PKHD1: variants seen among roughly 807,000 people sequenced by gnomAD.
PKHD1 encodes fibrocystin.
A neutral mutation model predicts 412.0 loss-of-function variants in PKHD1; 291 were observed. The ratio of observed to expected loss-of-function variants is 0.71; its 90% CI spans 0.64 to 0.78. The LOEUF is 0.78. Ranked by LOEUF, PKHD1 falls within the 30% of genes least tolerant of loss-of-function variation. The pLI, the probability that PKHD1 is intolerant of heterozygous loss-of-function variation, is 0.00. For synonymous variants in PKHD1, 1,777 were observed against 1,821.5 expected (o/e 0.98, Z 0.62); for missense variants, 4,825 against 4,950.7 (o/e 0.97, Z 0.76).
At chr6:51,755,749 T>G (rs1057467426) in intron 55 of PKHD1, among the ~76,000 whole-genome samples, 2 of 152,170 alleles carry the variant, frequency 1.3e-5, no homozygotes, top group Non-Finnish European at 2.9e-5. Flanking sequence ...AAGAGTCTCC[T>G]CTATAGTGAA....
intron 57 of PKHD1, among the ~76,000 whole-genome samples, chr6:51,750,969 G>A (rs1234449020): frequency 1.3e-5 from 2 of 151,974 alleles, no homozygotes; most frequent in Non-Finnish European, 2.9e-5. Flanking sequence ...TAGAGGCAGG[G>A]TTTCACCATG....
At chr6:51,911,625 G>A (rs1025928418) in intron 39 of PKHD1, among the ~76,000 whole-genome samples, 174 bp downstream of exon 39, 3 of 152,032 alleles carry the variant, frequency 2.0e-5, no homozygotes, top group East Asian at 1.9e-4. Context: ...GGGGCAGAGA[G>A]GAGGATGAAA....
chr6:52,024,082 T>TA (rs1347438252), intron 32 of PKHD1, among the ~76,000 whole-genome samples: 1 of 152,240 alleles, frequency 6.6e-6, no homozygotes, highest in Non-Finnish European at 1.5e-5. Flanking sequence ...TTGGTATATC[T>TA]AAACGGAGAA....
At chr6:51,887,278 AC>A (rs745481527) in intron 43 of PKHD1, 33 bp from the exon 44 acceptor site, 2 of 1,328,740 alleles carry the variant, frequency 1.5e-6, no homozygotes, top group South Asian at 2.3e-5. Flanking sequence ...AAAAATAGTT[AC>A]CCCATGTATG....
At chr6:51,769,473 A>C (rs60854584) in intron 55 of PKHD1, among the ~76,000 whole-genome samples, 27,925 of 151,304 alleles carry the variant, frequency 0.18, 3,381 homozygotes, top group African/African-American at 0.34. Flanking sequence ...ATAACTCTAA[A>C]CTATTCTGTA....
chr6:51,921,897 T>G (rs1166365393), intron 37 of PKHD1, among the ~76,000 whole-genome samples: 3 of 152,190 alleles, frequency 2.0e-5, no homozygotes, highest in Non-Finnish European at 4.4e-5. Flanking sequence ...TTGGAGAGGT[T>G]TGTTATTACC....
intron 60 of PKHD1, among the ~76,000 whole-genome samples, chr6:51,678,820 TTTTA>T (rs748393690): frequency 2.0e-5 from 3 of 152,218 alleles, no homozygotes; most frequent in East Asian, 1.9e-4. Context: ...TTAATGTTAA[TTTTA>T]TTTATTTATT....
At chr6:52,029,579 G>C (rs565956000) in intron 29 of PKHD1, among the ~76,000 whole-genome samples, 1 of 152,200 alleles carries the variant, frequency 6.6e-6, no homozygotes, top group Non-Finnish European at 1.5e-5. Flanking sequence ...AGTTGAATTG[G>C]AGCTTGAAAG....
intron 52 of PKHD1, among the ~76,000 whole-genome samples, chr6:51,819,194 C>G (rs1412950179): frequency 6.6e-6 from 1 of 152,112 alleles, no homozygotes; most frequent in African/African-American, 2.4e-5. Flanking sequence ...GTTACACGAT[C>G]AAACATGCTG....
intron 60 of PKHD1, among the ~76,000 whole-genome samples, chr6:51,710,078 C>T (rs1212142465): frequency 3.3e-5 from 5 of 152,074 alleles, no homozygotes; most frequent in Admixed American, 6.6e-5. Flanking sequence ...GGCATGGTGG[C>T]GGCTGCCTGT....
chr6:51,908,252 T>G (rs1782428301), intron 40 of PKHD1, among the ~76,000 whole-genome samples: 1 of 152,096 alleles, frequency 6.6e-6, no homozygotes. Context: ...TAATTTGAAA[T>G]GAAGGAAAAT....
intron 31 of PKHD1, among the ~76,000 whole-genome samples, chr6:52,027,298 G>A (rs189560890): frequency 2.0e-5 from 3 of 151,420 alleles, no homozygotes; most frequent in East Asian, 2.0e-4. Flanking sequence ...TTAGGAGGCC[G>A]AGGTGGGCAG....
intron 46 of PKHD1, among the ~76,000 whole-genome samples, chr6:51,872,407 G>GT (rs1324421828): frequency 2.3e-5 from 1 of 43,226 alleles, no homozygotes; most frequent in Non-Finnish European, 8.0e-5. Flanking sequence ...CTGAGTTTTT[G>GT]TTTTTTGGTT....
chr6:52,033,214 G>C (rs1428080081), intron 28 of PKHD1, 49 bp from the exon 29 acceptor site: 3 of 1,460,596 alleles, frequency 2.1e-6, no homozygotes, highest in Non-Finnish European at 2.9e-6. Flanking sequence ...TTTAAAGTAG[G>C]ACTGACTTAA....
intron 53 of PKHD1, among the ~76,000 whole-genome samples, chr6:51,787,831 T>C (rs913252638): frequency 6.6e-6 from 1 of 152,220 alleles, no homozygotes; most frequent in East Asian, 1.9e-4. Flanking sequence ...TGAGTGACCT[T>C]AGAAATCTAA....
intron 34 of PKHD1, among the ~76,000 whole-genome samples, chr6:52,014,618 C>T (rs1488032987): frequency 1.4e-5 from 2 of 146,040 alleles, no homozygotes; most frequent in South Asian, 2.2e-4. Flanking sequence ...GATGAATACA[C>T]TGGATAAATG....
intron 47 of PKHD1, among the ~76,000 whole-genome samples, chr6:51,869,568 C>T (rs1176128188): frequency 2.0e-5 from 3 of 152,030 alleles, no homozygotes; most frequent in Admixed American, 2.0e-4. Flanking sequence ...GAGGGGTTAG[C>T]CAATACTATT....
chr6:51,782,659 T>C (rs79537323), intron 53 of PKHD1, among the ~76,000 whole-genome samples: 5,909 of 152,302 alleles, frequency 0.039, 176 homozygotes, highest in Middle Eastern at 0.11. Flanking sequence ...TGTACACTTA[T>C]ATTATACACA....
At chr6:51,922,622 G>A (rs1406772190) in intron 37 of PKHD1, among the ~76,000 whole-genome samples, 1 of 152,194 alleles carries the variant, frequency 6.6e-6, no homozygotes, top group Non-Finnish European at 1.5e-5. Context: ...TGGCCACTTT[G>A]TTTACCTACT....
Sources: gnomAD v4.1 joint callset for allele counts (sites outside exome capture counted in the v4.1 genomes callset) on GRCh38, gnomAD v4.1.1 for gene constraint, MANE v1.5 for transcripts, NCBI Gene and HGNC (gene_info 2026-07-23, HGNC 2026-07-21) for gene names.